Variants in TTC28 observed in about 807,000 individuals in gnomAD.
TTC28 encodes tetratricopeptide repeat protein 28.
Under a neutral mutation model 198.0 loss-of-function variants are expected in TTC28, and 61 were observed. That is an observed-to-expected ratio of 0.31 (90% CI 0.25 to 0.38). The LOEUF is 0.38. TTC28 is among the 10% of genes least tolerant of loss of function. TTC28 has a pLI of 1.00. For missense variants in TTC28, 2,678 were observed against 3,164.0 expected, an observed-to-expected ratio of 0.85 and a Z score of 3.69; for synonymous variants, 1,171 against 1,297.8, an observed-to-expected ratio of 0.90 and a Z score of 2.10.
intron 5 of TTC28, among the ~76,000 whole-genome samples, chr22:28,285,151 C>G (rs76967542): frequency 0.016 from 2,361 of 152,156 alleles, 82 homozygotes; most frequent in African/African-American, 0.055. Flanking sequence ...TGTGTGTACA[C>G]ATACACATAC....
intron 2 of TTC28, among the ~76,000 whole-genome samples, chr22:28,352,205 T>C (rs142196405): frequency 1.2e-4 from 19 of 152,154 alleles, no homozygotes; most frequent in African/African-American, 4.6e-4. Flanking sequence ...ATCCCTTATT[T>C]AATAGCTTGT....
chr22:28,634,705 C>T (rs2051238807), intron 1 of TTC28, among the ~76,000 whole-genome samples: 1 of 151,490 alleles, frequency 6.6e-6, no homozygotes, highest in Non-Finnish European at 1.5e-5. Context: ...CTGCCTCGGC[C>T]TCCTGAGTAG....
rs753733551 is a variant in TTC28 at position 28,626,654 on chromosome 22, ATAAAT to A, written c.381+2893_381+2897del. On this transcript the variant is annotated intron_variant, in intron 2 of 22. Coordinates refer to ENST00000397906, the MANE Select transcript of TTC28 (RefSeq NM_001145418.2). ...CTTTTGCAGTACTGAACATTTCTTT[ATAAAT>A]TAATTTTATTATCATACTACCTCAA... Among the ~76,000 whole-genome samples, 198 of 152,234 alleles carry A rather than the reference ATAAAT, an allele frequency of 1.3e-3. 1 individual carries two copies. Among genetic ancestry groups the A allele is most frequent in the Admixed American group, 4.4e-3 (68 of 15,294 alleles).
At chr22:28,429,442 G>A (rs1467992282) in intron 2 of TTC28, among the ~76,000 whole-genome samples, 1 of 152,092 alleles carries the variant, frequency 6.6e-6, no homozygotes. Flanking sequence ...ATTTACTGTA[G>A]CCAAAGAAAT....
intron 12 of TTC28, among the ~76,000 whole-genome samples, chr22:28,047,309 G>A (rs185813351): frequency 6.6e-6 from 1 of 152,332 alleles, no homozygotes; most frequent in East Asian, 1.9e-4. Flanking sequence ...GGAGGGTGAG[G>A]CTAGGGAGGG....
rs1941901752 is a variant in TTC28 at position 28,094,168 on chromosome 22, C to T, written c.3844G>A (p.Val1282Ile). The change falls in exon 12 of 23, where the codon GTA becomes ATA. Residue 1282 changes from valine to isoleucine, a missense_variant. Physicochemically the swap from Val to Ile is conservative, Grantham distance 29. Transcript: ENST00000397906. ...NSSDFQASSS[V>I]TLPTATGSAL... ...GAGCCGGTTGCTGTTGGAAGGGTTA[C>T]ACTGCTGCTGGCCTGGAAGTCACTT... 7 of 1,551,636 alleles carry T rather than the reference C, an allele frequency of 4.5e-6. No homozygotes were observed. Among genetic ancestry groups the T allele is most frequent in the Non-Finnish European group, 6.1e-6 (7 of 1,146,952 alleles).
intron 5 of TTC28, among the ~76,000 whole-genome samples, chr22:28,276,021 T>A (rs1049407638): frequency 2.5e-4 from 38 of 152,012 alleles, no homozygotes; most frequent in Non-Finnish European, 4.9e-4. Flanking sequence ...AATTTTTTTT[T>A]CTTTTTTTTT....
At chr22:28,481,398 A>T (rs1159635165) in intron 2 of TTC28, among the ~76,000 whole-genome samples, 1 of 152,240 alleles carries the variant, frequency 6.6e-6, no homozygotes, top group South Asian at 2.1e-4. Context: ...TGAAAAGAGA[A>T]TATGAGTAAA....
intron 13 of TTC28, among the ~76,000 whole-genome samples, chr22:28,019,833 G>A (rs1938520445): frequency 2.0e-5 from 3 of 152,218 alleles, no homozygotes; most frequent in Admixed American, 2.0e-4. Context: ...GAAAGGGGTG[G>A]AAACATGCTT....
intron 13 of TTC28, among the ~76,000 whole-genome samples, chr22:28,015,445 C>T (rs372766213): frequency 7.6e-6 from 1 of 131,330 alleles, no homozygotes; most frequent in African/African-American, 2.9e-5. Flanking sequence ...AAAAAAAAGA[C>T]AAATTGTTGC....
At chr22:27,984,545 A>G (rs1435537539) in intron 22 of TTC28, among the ~76,000 whole-genome samples, 1 of 151,926 alleles carries the variant, frequency 6.6e-6, no homozygotes, top group Non-Finnish European at 1.5e-5. Context: ...ACCCCGGGTG[A>G]TGCCATGCAT....
At chr22:28,170,730 A>G (rs577763212) in intron 5 of TTC28, among the ~76,000 whole-genome samples, 1 of 152,176 alleles carries the variant, frequency 6.6e-6, no homozygotes, top group East Asian at 1.9e-4. Context: ...TGTTCCTTCA[A>G]TGCAACTTCA....
At chr22:28,274,667 A>C (rs1198061633) in intron 5 of TTC28, among the ~76,000 whole-genome samples, 1 of 152,186 alleles carries the variant, frequency 6.6e-6, no homozygotes, top group Non-Finnish European at 1.5e-5. Context: ...GGATTGCCAG[A>C]TTGCAGAAAA....
At chr22:28,652,123 A>G (rs991405585) in intron 1 of TTC28, among the ~76,000 whole-genome samples, 5 of 152,260 alleles carry the variant, frequency 3.3e-5, no homozygotes, top group Non-Finnish European at 5.9e-5. Context: ...TACAGGCATG[A>G]GCCACTGTGC....
intron 5 of TTC28, among the ~76,000 whole-genome samples, chr22:28,273,152 C>T (rs930564206): frequency 1.3e-5 from 2 of 152,138 alleles, no homozygotes; most frequent in Non-Finnish European, 2.9e-5. Flanking sequence ...AGATGATCTA[C>T]TCCTACTCTA....
chr22:28,331,002 G>A (rs2045606506), intron 2 of TTC28, among the ~76,000 whole-genome samples: 1 of 152,094 alleles, frequency 6.6e-6, no homozygotes, highest in Non-Finnish European at 1.5e-5. Flanking sequence ...ATATTCACCA[G>A]CCAATTCTAA....
intron 5 of TTC28, among the ~76,000 whole-genome samples, chr22:28,167,896 T>C (rs534303277): frequency 1.4e-4 from 21 of 152,218 alleles, no homozygotes; most frequent in Non-Finnish European, 3.1e-4. Context: ...TGTTTGCAGA[T>C]GACATGATTG....
rs533331940 is a variant in TTC28, at chr22:27,982,881, G to A, written c.6786C>T (p.Ser2262=). The A allele has an allele frequency of 2.0e-5, 31 of 1,550,812 alleles. No individual in the cohort carries two copies. Among genetic ancestry groups the A allele is most frequent in the Non-Finnish European group, 2.4e-5 (28 of 1,146,338 alleles). Residue 2262 remains serine, a synonymous_variant, in exon 23 of 23, where the codon AGC becomes AGT. Transcript: ENST00000397906. This position sits in a 1 kb window ranked among gnomAD's most constrained non-coding sequence, Gnocchi z 5.2. ...PTTSEMSIKD[S]PSQHSGRPSP... The stretch of plus-strand genomic sequence containing the variant: ...ATGGCCGGCCACTGTGCTGGCTCGG[G>A]CTGTCTTTGATGGACATCTCTGAGG...
chr22:28,171,913 T>A (rs1230310855), intron 5 of TTC28, among the ~76,000 whole-genome samples: 2 of 152,144 alleles, frequency 1.3e-5, no homozygotes, highest in African/African-American at 2.4e-5. Flanking sequence ...GGTTAGGACT[T>A]CATGTCAGCA....
Sources: allele counts gnomAD v4.1 joint callset (sites outside exome capture counted in the v4.1 genomes callset), GRCh38; gene constraint gnomAD v4.1.1; non-coding constraint Gnocchi (gnomAD v3.1); transcripts MANE v1.5; gene names NCBI Gene and HGNC (gene_info 2026-07-23, HGNC 2026-07-21).